The following MCCC2 variants were observed in gnomAD, a reference collection of about 807,000 sequenced individuals.
MCCC2 encodes the protein methylcrotonoyl-CoA carboxylase beta chain, mitochondrial.
In MCCC2, 52 loss-of-function variants were observed where a neutral mutation model predicts 77.2. That is an observed-to-expected ratio of 0.67 (90% CI 0.54 to 0.85). The LOEUF (loss-of-function observed/expected upper bound fraction) is 0.85. Among genes scored for constraint, MCCC2 ranks in the 40% least tolerant of loss-of-function variants. The probability of loss-of-function intolerance (pLI) is 0.00; values close to 1 mark genes in which losing one functional copy is unlikely to be tolerated. For synonymous variants in MCCC2, 253 were observed against 248.4 expected (o/e 1.02, Z -0.18); for missense variants, 682 against 703.2 (o/e 0.97, Z 0.34).
intron 13 of MCCC2, among the ~76,000 whole-genome samples, chr5:71,646,594 G>T (rs1409727947): frequency 6.6e-6 from 1 of 152,142 alleles, no homozygotes; most frequent in African/African-American, 2.4e-5. Flanking sequence ...TCAAACTCCT[G>T]AGCTCAAGCA....
chr5:71,599,525 T>C, intron 3 of MCCC2, 134 bp from the exon 4 acceptor site: 1 of 733,488 alleles, frequency 1.4e-6, no homozygotes, highest in Admixed American at 2.2e-5. Context: ...TTTTTAAAAA[T>C]AGATTTTATA....
At chr5:71,642,423 G>A (rs1209797621) in intron 11 of MCCC2, among the ~76,000 whole-genome samples, 1 of 152,144 alleles carries the variant, frequency 6.6e-6, no homozygotes, top group Non-Finnish European at 1.5e-5. Context: ...GTCGTTTCTT[G>A]GACACTGTGC....
rs1244894778 is a variant in MCCC2 at position 71,596,587 on chromosome 5, C to A, written c.281+223C>A. Among the ~76,000 whole-genome samples, 3 of 152,162 alleles carry A rather than the reference C, an allele frequency of 2.0e-5. No individual in the cohort carries two copies. The East Asian group carries it at 5.8e-4, about 29-fold the overall frequency. ...GATATATCAGTGACCAAAACAGACA[C>A]AGATCTTTGCTCTACTAGAGTTTAC... is the stretch of plus-strand genomic sequence containing the variant. On this transcript the variant is annotated intron_variant, in intron 3 of 16. Coordinates refer to ENST00000340941, the MANE Select transcript of MCCC2 (RefSeq NM_022132.5).
chr5:71,649,040 T>C, intron 13 of MCCC2, 57 bp from the exon 14 acceptor site: 1 of 1,593,770 alleles, frequency 6.3e-7, no homozygotes, highest in South Asian at 1.1e-5. Context: ...TTGGTGGAAT[T>C]GCGTTCCGCA....
intron 1 of MCCC2, among the ~76,000 whole-genome samples, chr5:71,590,559 G>A (rs886861490): frequency 6.6e-6 from 1 of 152,202 alleles, no homozygotes; most frequent in African/African-American, 2.4e-5. Flanking sequence ...GCTCAGGCCT[G>A]TAATCCTAGC....
At chr5:71,590,285 A>T (rs1439742893) in intron 1 of MCCC2, among the ~76,000 whole-genome samples, 1 of 152,130 alleles carries the variant, frequency 6.6e-6, no homozygotes, top group Non-Finnish European at 1.5e-5. Flanking sequence ...TTGATAAAGG[A>T]TTGCCTGGGA....
At chr5:71,617,300 C>T (rs974218991) in intron 6 of MCCC2, among the ~76,000 whole-genome samples, 69 of 152,160 alleles carry the variant, frequency 4.5e-4, no homozygotes, top group East Asian at 1.2e-3. Flanking sequence ...AAGGAAATCC[C>T]GGAATCCTTT....
At position 71,649,888 on chromosome 5, in the gene MCCC2, C is replaced by T. The variant is rs966288457; in HGVS notation, c.1374-181C>T. On this transcript the variant is annotated intron_variant, in intron 14 of 16. Coordinates refer to ENST00000340941, the MANE Select transcript of MCCC2 (RefSeq NM_022132.5). ...TTAGAAGTCCCATCTGTGCTCAGGA[C>T]CCTCCTCTGGAGTCTAGTCTGGGGT... is the stretch of plus-strand genomic sequence containing the variant. 4.6e-5 allele frequency among the ~76,000 whole-genome samples: 7 copies of T among 152,242 alleles called. No individual in the cohort carries two copies. The East Asian group carries it at 1.4e-3, about 29-fold the overall frequency.
chr5:71,653,749 G>C (rs1747503793), intron 16 of MCCC2, among the ~76,000 whole-genome samples: 1 of 151,728 alleles, frequency 6.6e-6, no homozygotes, highest in Non-Finnish European at 1.5e-5. Context: ...TACTCAGAAG[G>C]CTGAGGCAAG....
chr5:71,587,653 C>T (rs1744817571), intron 1 of MCCC2, 99 bp downstream of exon 1: 8 of 1,440,534 alleles, frequency 5.6e-6, no homozygotes, highest in South Asian at 2.5e-5. Flanking sequence ...TGTCCGGAGC[C>T]CCAGTTGATT....
intron 6 of MCCC2, among the ~76,000 whole-genome samples, chr5:71,609,080 T>C (rs1460907458): frequency 1.3e-5 from 2 of 152,098 alleles, no homozygotes; most frequent in East Asian, 1.9e-4. Flanking sequence ...ATCTTTGTGG[T>C]GTTCTGTGTA....
At chr5:71,601,614 C>T (rs1379770563) in intron 4 of MCCC2, among the ~76,000 whole-genome samples, 1 of 152,184 alleles carries the variant, frequency 6.6e-6, no homozygotes, top group African/African-American at 2.4e-5. Context: ...CTCAACACTA[C>T]CCTGTGCTGG....
At chr5:71,652,782 T>G in intron 16 of MCCC2, 28 bp downstream of exon 16, 10 of 1,592,038 alleles carry the variant, frequency 6.3e-6, no homozygotes, top group East Asian at 2.2e-5. Flanking sequence ...ACTAACTCTC[T>G]GATGGGTGCA....
intron 16 of MCCC2, 95 bp downstream of exon 16, chr5:71,652,849 T>C: frequency 9.7e-7 from 1 of 1,035,504 alleles, no homozygotes; most frequent in South Asian, 1.3e-5. Flanking sequence ...TGGTCCAGCA[T>C]TCATAGGAAC....
chr5:71,643,125 A>G (rs112483607), intron 11 of MCCC2, among the ~76,000 whole-genome samples: 3,000 of 152,098 alleles, frequency 0.02, 102 homozygotes, highest in African/African-American at 0.069. Flanking sequence ...GCTCATGCCT[A>G]TAATCCCAGT....
intron 1 of MCCC2, 62 bp from the exon 2 acceptor site, chr5:71,592,864 T>G: frequency 7.7e-7 from 1 of 1,292,544 alleles, no homozygotes; most frequent in Non-Finnish European, 1.1e-6. Context: ...TGACCTTTAT[T>G]TTGGTAAAAA....
chr5:71,649,195 C>T lies in MCCC2; in HGVS notation c.1315C>T (p.Leu439Phe), dbSNP rs1440478299. ...VACAQVPKIT[L>F]IIGGSYGAGN... ...CTGTGCCCAAGTGCCTAAGATAACC[C>T]TCATCATTGGGGGCTCCTATGGAGC... Residue 439 changes from leucine (L) to phenylalanine (F), a missense_variant, in exon 14 of 17, where the codon CTC becomes TTC. Coordinates refer to ENST00000340941, the MANE Select transcript of MCCC2 (RefSeq NM_022132.5). The T allele has an allele frequency of 6.2e-7, 1 of 1,614,204 alleles. No homozygotes were observed. Among genetic ancestry groups the T allele is most frequent in the Admixed American group, 1.7e-5 (1 of 60,022 alleles).
intron 3 of MCCC2, 77 bp downstream of exon 3, chr5:71,596,441 T>A (rs988480601): frequency 6.3e-6 from 8 of 1,261,418 alleles, no homozygotes; most frequent in African/African-American, 5.9e-5. Context: ...GTAAATCAGT[T>A]ATTTTGAATT....
intron 6 of MCCC2, among the ~76,000 whole-genome samples, chr5:71,617,764 A>T (rs780776036): frequency 1.5e-4 from 23 of 152,142 alleles, no homozygotes; most frequent in Non-Finnish European, 3.4e-4. Context: ...GTTTTTATTT[A>T]ATGTTACTAG....
Sources: allele counts gnomAD v4.1 joint callset (sites outside exome capture counted in the v4.1 genomes callset), GRCh38; gene constraint gnomAD v4.1.1; transcripts MANE v1.5; gene names NCBI Gene and HGNC (gene_info 2026-07-23, HGNC 2026-07-21).